The following WDR70 variants were observed in gnomAD, a reference collection of about 807,000 sequenced individuals.
WDR70 encodes WD repeat domain 70.
In WDR70, 53 loss-of-function variants were observed where a neutral mutation model predicts 88.6. That is an observed-to-expected ratio of 0.60 (90% confidence interval 0.48 to 0.75). The LOEUF (loss-of-function observed/expected upper bound fraction) is 0.75, where lower values mean the gene tolerates loss of function less well. Among genes scored for constraint, WDR70 ranks in the 30% least tolerant of loss-of-function variants. The pLI is 0.00. For missense variants in WDR70, 610 were observed against 823.2 expected, an observed-to-expected ratio of 0.74 and a Z score of 3.17; for synonymous variants, 280 against 270.0, an observed-to-expected ratio of 1.04 and a Z score of -0.36.
At chr5:37,432,595 G>C (rs1441782411) in intron 5 of WDR70, among the ~76,000 whole-genome samples, 2 of 151,104 alleles carry the variant, frequency 1.3e-5, no homozygotes, top group Non-Finnish European at 2.9e-5. Flanking sequence ...ATGGGGTTTC[G>C]CCGTGTTAGC....
intron 5 of WDR70, among the ~76,000 whole-genome samples, chr5:37,415,639 G>T (rs527538751): frequency 6.7e-6 from 1 of 150,344 alleles, no homozygotes; most frequent in Non-Finnish European, 1.5e-5. Flanking sequence ...CCTCCCGGAC[G>T]GGGCGGCTGG....
chr5:37,596,961 C>T (rs962951936), intron 9 of WDR70, among the ~76,000 whole-genome samples: 1 of 152,072 alleles, frequency 6.6e-6, no homozygotes, highest in Non-Finnish European at 1.5e-5. Flanking sequence ...GGAATTATAT[C>T]GTGTGTAGTC....
At chr5:37,430,281 C>T (rs1171899368) in intron 5 of WDR70, among the ~76,000 whole-genome samples, 1 of 152,078 alleles carries the variant, frequency 6.6e-6, no homozygotes, top group African/African-American at 2.4e-5. Context: ...GTAAAGTGGT[C>T]TACTAATAAG....
chr5:37,517,059 G>A lies in WDR70; in HGVS notation c.917+469G>A, dbSNP rs73749051. Among the ~76,000 whole-genome samples the A allele has an allele frequency of 8.2e-3, 1,243 of 152,178 alleles. 19 individuals carry two copies. The highest frequency in any genetic ancestry group is 0.027 in the African/African-American group (1,138 of 41,530). The stretch of plus-strand genomic sequence containing the variant: ...TTCTTTACTTTGATTTTATCTGATA[G>A]TGTAGTATTTGATTAAACAAAAATA... On this transcript the variant is annotated intron_variant, in intron 9 of 17. Coordinates refer to ENST00000265107, the MANE Select transcript of WDR70 (RefSeq NM_018034.4).
At chr5:37,553,564 CTG>C (rs1475501071) in intron 9 of WDR70, among the ~76,000 whole-genome samples, 1 of 152,170 alleles carries the variant, frequency 6.6e-6, no homozygotes, top group Non-Finnish European at 1.5e-5. Flanking sequence ...GTGTATGTGT[CTG>C]TGCGTGCGCA....
intron 8 of WDR70, among the ~76,000 whole-genome samples, chr5:37,492,865 A>G (rs1364915698): frequency 1.3e-5 from 2 of 152,342 alleles, no homozygotes; most frequent in East Asian, 3.9e-4. Flanking sequence ...ATAACTTCTG[A>G]AAGCATGGTA....
chr5:37,624,879 C>T lies in WDR70; in HGVS notation c.1092+19641C>T, dbSNP rs73063791. 7.4e-3 allele frequency among the ~76,000 whole-genome samples: 1,125 copies of T among 152,266 alleles called. 17 individuals are homozygous for T. The highest frequency in any genetic ancestry group is 0.026 in the African/African-American group (1,060 of 41,558). ...CCTTCCTTCCGGGTATGGGACAAGA[C>T]CCTCTCTAGAGTGGGACTGTTATAA... On this transcript the variant is annotated intron_variant, in intron 10 of 17. Coordinates refer to ENST00000265107, the MANE Select transcript of WDR70 (RefSeq NM_018034.4).
chr5:37,679,525 A>G (rs1430781442), intron 10 of WDR70, among the ~76,000 whole-genome samples: 1 of 152,334 alleles, frequency 6.6e-6, no homozygotes, highest in South Asian at 2.1e-4. Flanking sequence ...GGGTATCAGC[A>G]GTGGTGGCTG....
chr5:37,733,199 C>T (rs370204178), intron 17 of WDR70, among the ~76,000 whole-genome samples: 1 of 152,218 alleles, frequency 6.6e-6, no homozygotes, highest in African/African-American at 2.4e-5. Context: ...TTCATAGCCA[C>T]ATCCCTTTAA....
chr5:37,742,824 C>T (rs111692312), intron 17 of WDR70, among the ~76,000 whole-genome samples: 1 of 152,122 alleles, frequency 6.6e-6, no homozygotes, highest in Non-Finnish European at 1.5e-5. Flanking sequence ...GAGCTGAGTT[C>T]TTATTCTCAA....
chr5:37,382,947 A>G (rs1303343607), intron 3 of WDR70, among the ~76,000 whole-genome samples: 2 of 151,738 alleles, frequency 1.3e-5, no homozygotes, highest in African/African-American at 4.8e-5. Context: ...TGGGAGGCAG[A>G]GGTTGTGGTG....
At chr5:37,557,901 A>ATACTCTTTTGAATACTCTTCACAAGAG (rs1561900701) in intron 9 of WDR70, among the ~76,000 whole-genome samples, 1 of 30,814 alleles carries the variant, frequency 3.2e-5, no homozygotes. Flanking sequence ...CTTCAGATTT[A>ATACTCTTTTGAATACTCTTCACAAGAG]TACTCTTTTG....
intron 9 of WDR70, among the ~76,000 whole-genome samples, chr5:37,518,968 T>A (rs892724093): frequency 6.6e-6 from 1 of 152,152 alleles, no homozygotes; most frequent in Non-Finnish European, 1.5e-5. Flanking sequence ...AACCCTGAGT[T>A]GACACAGCAC....
intron 10 of WDR70, among the ~76,000 whole-genome samples, chr5:37,679,104 T>A (rs1446327327): frequency 6.6e-6 from 1 of 152,068 alleles, no homozygotes; most frequent in Non-Finnish European, 1.5e-5. Context: ...AGCACTTCTC[T>A]GTATTGGTTA....
intron 3 of WDR70, among the ~76,000 whole-genome samples, chr5:37,383,863 G>A (rs1394405689): frequency 6.6e-6 from 1 of 152,158 alleles, no homozygotes; most frequent in Non-Finnish European, 1.5e-5. Context: ...GATTACAGGT[G>A]TGAGCCACTG....
chr5:37,391,699 T>G (rs1748824666), intron 3 of WDR70, among the ~76,000 whole-genome samples: 2 of 152,232 alleles, frequency 1.3e-5, no homozygotes, highest in African/African-American at 4.8e-5. Flanking sequence ...ACATTTTAGC[T>G]GTTGTGAATG....
At chr5:37,420,275 C>G (rs1439481472) in intron 5 of WDR70, among the ~76,000 whole-genome samples, 2 of 152,156 alleles carry the variant, frequency 1.3e-5, no homozygotes, top group East Asian at 3.9e-4. Context: ...TTTTATGACT[C>G]CTCTAAATAT....
chr5:37,472,741 T>G (rs1739363571), intron 7 of WDR70, among the ~76,000 whole-genome samples: 1 of 152,008 alleles, frequency 6.6e-6, no homozygotes, highest in Non-Finnish European at 1.5e-5. Flanking sequence ...TCAAGTGATC[T>G]GCCCACCTCG....
intron 9 of WDR70, among the ~76,000 whole-genome samples, chr5:37,519,584 A>T (rs1407344597): frequency 1.4e-5 from 2 of 141,040 alleles, no homozygotes; most frequent in Admixed American, 1.4e-4. Flanking sequence ...GCGGCGGGGC[A>T]GAGGCGCTCC....
Sources: gnomAD v4.1 joint callset for allele counts (sites outside exome capture counted in the v4.1 genomes callset) on GRCh38, gnomAD v4.1.1 for gene constraint, MANE v1.5 for transcripts, NCBI Gene and HGNC (gene_info 2026-07-23, HGNC 2026-07-21) for gene names.